The following JAKMIP1 variants were observed in gnomAD, a reference collection of about 807,000 sequenced individuals.
The protein encoded by JAKMIP1 is janus kinase and microtubule-interacting protein 1.
A neutral mutation model predicts 113.0 loss-of-function variants in JAKMIP1; 33 were observed. The observed-to-expected ratio is 0.29, with a 90% CI of 0.22 to 0.39. The LOEUF is 0.39. Among genes scored for constraint, JAKMIP1 ranks in the 10% least tolerant of loss-of-function variants. The pLI, the probability that JAKMIP1 is intolerant of heterozygous loss-of-function variation, is 1.00. For synonymous variants in JAKMIP1, 480 were observed against 459.9 expected, an observed-to-expected ratio of 1.04 and a Z score of -0.56; for missense variants, 813 against 1,080.5, an observed-to-expected ratio of 0.75 and a Z score of 3.47.
At chr4:6,060,852 C>T (rs556600453) in intron 10 of JAKMIP1, among the ~76,000 whole-genome samples, 2 of 152,266 alleles carry the variant, frequency 1.3e-5, no homozygotes, top group African/African-American at 2.4e-5. Flanking sequence ...AGCTCTCTGA[C>T]CAAGTCCAAT....
intron 1 of JAKMIP1, among the ~76,000 whole-genome samples, chr4:6,196,667 T>G (rs1727878996): frequency 1.3e-5 from 2 of 152,140 alleles, no homozygotes; most frequent in South Asian, 4.1e-4. Context: ...GAGACCAGCC[T>G]GGTTAACATG....
chr4:6,042,260 A>G lies in JAKMIP1; in HGVS notation c.2029-33T>C. ...ACAGCAGGGACAGGACGGGTGCAGC[A>G]AAGTGAGAGTCAGAACCCAAGGGGC... On this transcript the variant is annotated intron_variant, in intron 16 of 20. Transcript: ENST00000409021. The surrounding 1 kb of genome is among the most constrained non-coding windows in gnomAD (Gnocchi z 5.2). The G allele has an allele frequency of 7.0e-6, 11 of 1,573,272 alleles. No individual in the cohort carries two copies. The highest frequency in any genetic ancestry group is 8.7e-6 in the Non-Finnish European group (10 of 1,143,454).
chr4:6,090,912 A>T (rs2108842122), intron 3 of JAKMIP1, among the ~76,000 whole-genome samples: 1 of 152,150 alleles, frequency 6.6e-6, no homozygotes, highest in Non-Finnish European at 1.5e-5. Context: ...AGAGTGTCAA[A>T]ACCCCACGTT....
rs556102313 is a variant in JAKMIP1, at chr4:6,099,276, T to G, written c.624+6197A>C. Among the ~76,000 whole-genome samples the G allele has an allele frequency of 2.0e-5, 3 of 152,352 alleles. No individual in the cohort carries two copies. The East Asian group carries it at 5.8e-4, about 29-fold the overall frequency. Reference sequence around the variant, plus strand: ...GTCTCTTCTCCATTTGTCTCGTCTGTTTTTTTCCCCTGCTTTGGTCCTTCT... The same window carrying G: ...GTCTCTTCTCCATTTGTCTCGTCTGGTTTTTTCCCCTGCTTTGGTCCTTCT... On this transcript the variant is annotated intron_variant, in intron 3 of 20. Transcript: ENST00000409021.
rs538988743 is a variant in JAKMIP1 at position 6,122,613 on chromosome 4, G to A, written c.-147-9616C>T. 3.9e-5 allele frequency among the ~76,000 whole-genome samples: 6 copies of A among 152,348 alleles called. No homozygotes were observed. The South Asian group carries it at 8.3e-4, about 21-fold the overall frequency. ...ATAGAGGTTAGAGGGAGCAGCTGCTGACCTGAATTCAAGTCCCACACAAGC... is the reference window on the plus strand; with the variant it reads ...ATAGAGGTTAGAGGGAGCAGCTGCTAACCTGAATTCAAGTCCCACACAAGC... On this transcript the variant is annotated intron_variant, in intron 1 of 20. Transcript: ENST00000409021.
chr4:6,079,936 T>C (rs1720260287), intron 7 of JAKMIP1, among the ~76,000 whole-genome samples: 1 of 152,160 alleles, frequency 6.6e-6, no homozygotes, highest in Non-Finnish European at 1.5e-5. Context: ...GAGAAAAGGG[T>C]AGCCATGGAA....
rs893508290 is a variant in JAKMIP1, at chr4:6,081,215, C to A, written c.1101+394G>T. 6.6e-6 allele frequency among the ~76,000 whole-genome samples: 1 copy of A among 152,240 alleles called. No individual in the cohort carries two copies. Among genetic ancestry groups the A allele is most frequent in the Middle Eastern group, 3.2e-3 (1 of 316 alleles). ...AAACCCCTCTGCAGAGCATCGCCAGCGATCATTGTAACAGCTTTCACTTGC... is the reference window on the plus strand; with the variant it reads ...AAACCCCTCTGCAGAGCATCGCCAGAGATCATTGTAACAGCTTTCACTTGC... On this transcript the variant is annotated intron_variant, in intron 6 of 20. Transcript: ENST00000409021. The surrounding 1 kb of genome is among the most constrained non-coding windows in gnomAD (Gnocchi z 4.6).
Position 6,044,096 on chromosome 4 carries a change from A to G in JAKMIP1, c.2029-1869T>C, listed in dbSNP as rs957312282. Among the ~76,000 whole-genome samples, 2 of 151,964 alleles carry G rather than the reference A, an allele frequency of 1.3e-5. No homozygotes were observed. On this transcript the variant is annotated intron_variant, in intron 16 of 20. Transcript: ENST00000409021. This position sits in a 1 kb window ranked among gnomAD's most constrained non-coding sequence, Gnocchi z 4.4. Reference sequence around the variant, plus strand: ...GAGCTAGCTGTCACCTCCTCCAGGAAGCCTACCCTGCTTGAGTCCGTGGGG... The same window carrying G: ...GAGCTAGCTGTCACCTCCTCCAGGAGGCCTACCCTGCTTGAGTCCGTGGGG...
At position 6,140,891 on chromosome 4, in the gene JAKMIP1, T is replaced by C. The variant is rs909169540; in HGVS notation, c.-147-27894A>G. ...CCTCAGCACAGTGCCTGGTGTATGG[T>C]AGACACTGGAGAATGGTGGGATCCC... On this transcript the variant is annotated intron_variant, in intron 1 of 20. Transcript: ENST00000409021. The surrounding 1 kb of genome is among the most constrained non-coding windows in gnomAD (Gnocchi z 9.4). Among the ~76,000 whole-genome samples, 7 of 152,134 alleles carry C rather than the reference T, an allele frequency of 4.6e-5. No individual in the cohort carries two copies. The highest frequency in any genetic ancestry group is 1.7e-4 in the African/African-American group (7 of 41,402).
At position 6,143,163 on chromosome 4, in the gene JAKMIP1, C is replaced by G. The variant is rs533666916; in HGVS notation, c.-147-30166G>C. The stretch of plus-strand genomic sequence containing the variant: ...GCAGCACAGCTCTCCCCTGTGAGTA[C>G]GAGCTAAGTTAACCCACGCACAGCA... On this transcript the variant is annotated intron_variant, in intron 1 of 20. Coordinates refer to ENST00000409021, the MANE Select transcript of JAKMIP1 (RefSeq NM_001099433.2). This position sits in a 1 kb window ranked among gnomAD's most constrained non-coding sequence, Gnocchi z 4.9. 2.6e-5 allele frequency among the ~76,000 whole-genome samples: 4 copies of G among 152,178 alleles called. No homozygotes were observed. Among genetic ancestry groups the G allele is most frequent in the African/African-American group, 9.7e-5 (4 of 41,436 alleles).
chr4:6,046,463 T>C (rs1350612127), intron 16 of JAKMIP1, among the ~76,000 whole-genome samples: 1 of 152,036 alleles, frequency 6.6e-6, no homozygotes, highest in Non-Finnish European at 1.5e-5. Context: ...TAACCGTCAG[T>C]AGGGGTTGTG....
At chr4:6,101,371 T>G (rs928338193) in intron 3 of JAKMIP1, among the ~76,000 whole-genome samples, 1 of 152,130 alleles carries the variant, frequency 6.6e-6, no homozygotes, top group South Asian at 2.1e-4. Context: ...ACTGCCACGG[T>G]ATCTTTGTCC....
chr4:6,109,233 C>T (rs917362567), intron 2 of JAKMIP1, among the ~76,000 whole-genome samples: 7 of 149,526 alleles, frequency 4.7e-5, no homozygotes, highest in South Asian at 2.1e-4. Context: ...TCCAGGTTCA[C>T]GCCATTCTCC....
chr4:6,026,390 C>G, intron 20 of JAKMIP1, 112 bp from the exon 21 acceptor site: 1 of 654,768 alleles, frequency 1.5e-6, no homozygotes. Flanking sequence ...AACTAGGACA[C>G]TGAGTTGTTG....
intron 19 of JAKMIP1, among the ~76,000 whole-genome samples, chr4:6,033,899 C>T (rs1025263009): frequency 6.6e-6 from 1 of 152,166 alleles, no homozygotes; most frequent in African/African-American, 2.4e-5. Context: ...ATAGTTAACC[C>T]TCAGGGGATC....
chr4:6,048,345 T>G (rs926705437), intron 16 of JAKMIP1, among the ~76,000 whole-genome samples: 2 of 152,242 alleles, frequency 1.3e-5, no homozygotes, highest in Non-Finnish European at 2.9e-5. Context: ...TATGGGCATA[T>G]TTTAAGACGT....
At chr4:6,118,972 T>C (rs893037718) in intron 1 of JAKMIP1, among the ~76,000 whole-genome samples, 1 of 152,136 alleles carries the variant, frequency 6.6e-6, no homozygotes, top group African/African-American at 2.4e-5. Flanking sequence ...TTCTAGGAGA[T>C]GCACAGAGAA....
At chr4:6,072,847 G>A (rs1187834485) in intron 8 of JAKMIP1, among the ~76,000 whole-genome samples, 1 of 152,138 alleles carries the variant, frequency 6.6e-6, no homozygotes. Flanking sequence ...GGGAGGCCGA[G>A]GCAGGCAGGT....
chr4:6,035,830 A>G (rs887615849), intron 19 of JAKMIP1, 74 bp downstream of exon 19: 1 of 1,314,910 alleles, frequency 7.6e-7, no homozygotes, highest in Admixed American at 2.2e-5. Flanking sequence ...TCAGAGGCCC[A>G]TCAGGGTGCC....
Sources: allele counts gnomAD v4.1 joint callset (sites outside exome capture counted in the v4.1 genomes callset), GRCh38; gene constraint gnomAD v4.1.1; non-coding constraint Gnocchi (gnomAD v3.1); transcripts MANE v1.5; gene names NCBI Gene and HGNC (gene_info 2026-07-23, HGNC 2026-07-21).